SEMA5A: variants seen among roughly 807,000 people sequenced by gnomAD.
SEMA5A encodes the protein semaphorin 5A, also known as semaphorin-5A.
Under a neutral mutation model 135.5 loss-of-function variants are expected in SEMA5A, and 55 were observed. That is an observed-to-expected ratio of 0.41 (90% CI 0.33 to 0.51). The LOEUF (loss-of-function observed/expected upper bound fraction) is 0.51, where lower values mean the gene tolerates loss of function less well. SEMA5A is among the 20% of genes least tolerant of loss of function. The pLI is 0.37. For synonymous variants in SEMA5A, 580 were observed against 546.5 expected, an observed-to-expected ratio of 1.06 and a Z score of -0.85; for missense variants, 1,290 against 1,419.9, an observed-to-expected ratio of 0.91 and a Z score of 1.47.
chr5:9,281,296 C>A (rs1750529371), intron 5 of SEMA5A, among the ~76,000 whole-genome samples: 1 of 152,174 alleles, frequency 6.6e-6, no homozygotes, highest in African/African-American at 2.4e-5. Context: ...TTCAATCCAG[C>A]CAAGAACTCC....
At chr5:9,233,613 C>G (rs766654495) in intron 6 of SEMA5A, among the ~76,000 whole-genome samples, 9 of 152,152 alleles carry the variant, frequency 5.9e-5, no homozygotes, top group Non-Finnish European at 1.3e-4. Flanking sequence ...TCAAACCTGG[C>G]CCAAATAAAA....
intron 3 of SEMA5A, among the ~76,000 whole-genome samples, chr5:9,360,562 A>C (rs1286420189): frequency 6.6e-6 from 1 of 152,222 alleles, no homozygotes; most frequent in Non-Finnish European, 1.5e-5. Context: ...GCTTTAGTAC[A>C]CACTCTTGGA....
chr5:9,180,025 C>T (rs1744415342), intron 11 of SEMA5A, among the ~76,000 whole-genome samples: 1 of 152,150 alleles, frequency 6.6e-6, no homozygotes, highest in Admixed American at 6.5e-5. Flanking sequence ...GGGCAGCTGT[C>T]CATTCCAGGT....
Position 9,442,485 on chromosome 5 carries a change from C to G in SEMA5A, c.-174-4633G>C, listed in dbSNP as rs116765817. Among the ~76,000 whole-genome samples the G allele has an allele frequency of 3.1e-3, 473 of 152,036 alleles. 3 individuals are homozygous for G. The highest frequency in any genetic ancestry group is 0.011 in the African/African-American group (453 of 41,458). The stretch of plus-strand genomic sequence containing the variant: ...TGGAGTGTAAAGGGTACTACTGTAC[C>G]CTTTGACTGAGATCAACCATAATCA... On this transcript the variant is annotated intron_variant, in intron 1 of 22. Transcript: ENST00000382496.
chr5:9,252,949 C>T (rs1401115626), intron 5 of SEMA5A, among the ~76,000 whole-genome samples: 2 of 152,266 alleles, frequency 1.3e-5, no homozygotes, highest in East Asian at 1.9e-4. Context: ...CCTACCAGAA[C>T]ACAGCTCTTC....
chr5:9,505,595 T>C (rs1218337977), intron 1 of SEMA5A, among the ~76,000 whole-genome samples: 1 of 152,148 alleles, frequency 6.6e-6, no homozygotes, highest in African/African-American at 2.4e-5. Context: ...AGTTACTTAG[T>C]CTCTCTCTTC....
At chr5:9,306,410 A>G (rs1038782799) in intron 5 of SEMA5A, among the ~76,000 whole-genome samples, 3 of 152,056 alleles carry the variant, frequency 2.0e-5, no homozygotes, top group East Asian at 1.9e-4. Context: ...TTTTTCTGCT[A>G]TGTCTAATCT....
At chr5:9,365,539 C>T (rs1754879448) in intron 3 of SEMA5A, among the ~76,000 whole-genome samples, 1 of 152,028 alleles carries the variant, frequency 6.6e-6, no homozygotes, top group Non-Finnish European at 1.5e-5. Flanking sequence ...ATCTTGATTA[C>T]TGAGTGTTTC....
Position 9,121,848 on chromosome 5 carries a change from C to T in SEMA5A, c.1781+808G>A, listed in dbSNP as rs1579432434. 2.0e-5 allele frequency among the ~76,000 whole-genome samples: 3 copies of T among 152,312 alleles called. No homozygotes were observed. The East Asian group carries it at 5.8e-4, about 29-fold the overall frequency. On this transcript the variant is annotated intron_variant, in intron 14 of 22. Coordinates refer to ENST00000382496, the MANE Select transcript of SEMA5A (RefSeq NM_003966.3). ...CTCTTAGGTGCATGTGCCTGCATGA[C>T]CTGGGCTCTCCTACAATTTGATCAC...
At chr5:9,533,242 C>A (rs1737558075) in intron 1 of SEMA5A, among the ~76,000 whole-genome samples, 1 of 152,182 alleles carries the variant, frequency 6.6e-6, no homozygotes, top group African/African-American at 2.4e-5. Context: ...GCCCAGCTAC[C>A]CCTCTGAACA....
At chr5:9,439,718 G>A (rs1237090037) in intron 1 of SEMA5A, among the ~76,000 whole-genome samples, 1 of 152,182 alleles carries the variant, frequency 6.6e-6, no homozygotes, top group African/African-American at 2.4e-5. Flanking sequence ...GCAGGAAGAA[G>A]ACATCCCTGC....
At chr5:9,096,132 G>T (rs1338758764) in intron 16 of SEMA5A, among the ~76,000 whole-genome samples, 1 of 152,100 alleles carries the variant, frequency 6.6e-6, no homozygotes, top group Non-Finnish European at 1.5e-5. Context: ...TCCACCAACA[G>T]AGTACAATCT....
chr5:9,233,115 G>A (rs182978150), intron 6 of SEMA5A, among the ~76,000 whole-genome samples: 1 of 152,208 alleles, frequency 6.6e-6, no homozygotes, highest in African/African-American at 2.4e-5. Flanking sequence ...TAGGAACTTG[G>A]TGTCAAAAAT....
In SEMA5A at chr5:9,096,600, C is replaced by T. The variant is rs79086807; in HGVS notation, c.2073+11540G>A. On this transcript the variant is annotated intron_variant, in intron 16 of 22. Transcript: ENST00000382496. ...TGTGTGTGTGTGTGTGTGTGTCCCA[C>T]AGCTTCTTTATCCATTCATCTATTG... Among the ~76,000 whole-genome samples, 825 of 137,948 alleles carry T rather than the reference C, an allele frequency of 6.0e-3. 10 individuals carry two copies. Among genetic ancestry groups the T allele is most frequent in the African/African-American group, 0.021 (706 of 33,162 alleles). The allele number at this position is 137,948 out of a possible 152,430, so 90.5% of individuals were successfully genotyped here. A position where few individuals can be genotyped will look rare whatever the true frequency, so the allele number is the denominator to read the frequency against.
intron 6 of SEMA5A, among the ~76,000 whole-genome samples, chr5:9,236,877 G>A (rs1050913246): frequency 3.3e-5 from 5 of 152,056 alleles, no homozygotes; most frequent in African/African-American, 4.8e-5. Flanking sequence ...CTCCCACAGC[G>A]ATTCAGTTAA....
At chr5:9,140,643 CG>C (rs1318849849) in intron 12 of SEMA5A, among the ~76,000 whole-genome samples, 1 of 152,110 alleles carries the variant, frequency 6.6e-6, no homozygotes. Flanking sequence ...TTTATATTTG[CG>C]GCTCCTATGG....
At chr5:9,089,273 T>C (rs1738900912) in intron 16 of SEMA5A, among the ~76,000 whole-genome samples, 2 of 152,202 alleles carry the variant, frequency 1.3e-5, no homozygotes, top group Admixed American at 6.5e-5. Context: ...GGCCATCCCT[T>C]GGATAATGTT....
In SEMA5A at chr5:9,036,250, A is replaced by ACAGT. The variant is rs1447254629; in HGVS notation, c.*6643_*6646dup. 6.6e-6 allele frequency: 1 copy of ACAGT among 151,842 alleles called. No homozygotes were observed. Among genetic ancestry groups the ACAGT allele is most frequent in the Non-Finnish European group, 1.5e-5 (1 of 68,052 alleles). 9.4% of individuals were successfully genotyped at this position (151,842 alleles called of 1,614,324 possible). On this transcript the variant is annotated 3_prime_UTR_variant, in exon 23 of 23. Transcript: ENST00000382496. ...CAGAGGTTCAGCTTGCTTTTGGCCAACAGTCATGGTAAAAGAGAAAAACAA... is the reference window on the plus strand; with the variant it reads ...CAGAGGTTCAGCTTGCTTTTGGCCAACAGTCAGTCATGGTAAAAGAGAAAAACAA...
chr5:9,324,423 C>T (rs1165635842), intron 4 of SEMA5A, among the ~76,000 whole-genome samples: 2 of 152,212 alleles, frequency 1.3e-5, no homozygotes, highest in African/African-American at 4.8e-5. Flanking sequence ...ATTCCCTAAT[C>T]ACATCCCAAG....
Sources: gnomAD v4.1 joint callset for allele counts (sites outside exome capture counted in the v4.1 genomes callset) on GRCh38, gnomAD v4.1.1 for gene constraint, MANE v1.5 for transcripts, NCBI Gene and HGNC (gene_info 2026-07-23, HGNC 2026-07-21) for gene names.